ROBO2: variants seen among roughly 807,000 people sequenced by gnomAD.
ROBO2 encodes roundabout homolog 2.
In ROBO2, 53 loss-of-function variants were observed where a neutral mutation model predicts 160.8. The observed-to-expected ratio is 0.33, with a 90% CI of 0.26 to 0.41. The LOEUF is 0.41. Ranked by LOEUF, ROBO2 falls within the 10% of genes least tolerant of loss-of-function variation. The pLI is 1.00. For missense variants in ROBO2, 1,577 were observed against 1,722.4 expected (o/e 0.92, Z 1.49); for synonymous variants, 664 against 611.7 (o/e 1.09, Z -1.26).
At chr3:76,025,713 T>A (rs959498436) in intron 2 of ROBO2, among the ~76,000 whole-genome samples, 2 of 151,758 alleles carry the variant, frequency 1.3e-5, no homozygotes, top group Admixed American at 1.3e-4. Context: ...TGTCAGCATA[T>A]CTCAGAGAAA....
intron 2 of ROBO2, among the ~76,000 whole-genome samples, chr3:77,475,272 G>A (rs1427890691): frequency 1.3e-5 from 2 of 152,144 alleles, no homozygotes; most frequent in Non-Finnish European, 2.9e-5. Flanking sequence ...AATTACAGTT[G>A]ATGTTAGATT....
At chr3:77,410,366 C>CTA (rs1287198376) in intron 2 of ROBO2, among the ~76,000 whole-genome samples, 1 of 152,100 alleles carries the variant, frequency 6.6e-6, no homozygotes, top group East Asian at 1.9e-4. Flanking sequence ...AAATCTATAG[C>CTA]TAATTTTCTT....
chr3:76,459,630 C>T (rs569486853), intron 2 of ROBO2, among the ~76,000 whole-genome samples: 7 of 152,136 alleles, frequency 4.6e-5, no homozygotes, highest in South Asian at 4.1e-4. Context: ...GGTATGAAGT[C>T]GTGAATTGGT....
At chr3:77,306,863 TTAAATG>T (rs1397593612) in intron 2 of ROBO2, among the ~76,000 whole-genome samples, 1 of 152,120 alleles carries the variant, frequency 6.6e-6, no homozygotes, top group Non-Finnish European at 1.5e-5. Flanking sequence ...AAATTGAAAA[TTAAATG>T]TCATGCTAAT....
At position 77,219,597 on chromosome 3, in the gene ROBO2, A is replaced by G. The variant is rs191621897; in HGVS notation, c.388+121257A>G. Among the ~76,000 whole-genome samples the G allele has an allele frequency of 4.4e-4, 65 of 148,714 alleles. No individual in the cohort carries two copies. The East Asian group carries it at 7.9e-3, about 18-fold the overall frequency. ...TTTGACTGAGACACTAAAGATTTGA[A>G]TTGTTGTTCTGCATTTTACTATTGA... On this transcript the variant is annotated intron_variant, in intron 2 of 25. Transcript: ENST00000461745.
intron 1 of ROBO2, among the ~76,000 whole-genome samples, chr3:77,077,281 A>G (rs2068112595): frequency 6.6e-6 from 1 of 152,214 alleles, no homozygotes; most frequent in South Asian, 2.1e-4. Context: ...TAAAAGTTCA[A>G]TGAATTATAG....
At chr3:76,637,345 A>C (rs894489760) in intron 2 of ROBO2, among the ~76,000 whole-genome samples, 1 of 151,640 alleles carries the variant, frequency 6.6e-6, no homozygotes, top group Non-Finnish European at 1.5e-5. Context: ...AGGTACTTAC[A>C]TTTTCTGAGA....
chr3:76,331,914 C>T (rs911822029), intron 2 of ROBO2, among the ~76,000 whole-genome samples: 3 of 151,940 alleles, frequency 2.0e-5, no homozygotes, highest in African/African-American at 7.3e-5. Flanking sequence ...GAACTCCTGA[C>T]CTCAGGTGAT....
intron 2 of ROBO2, among the ~76,000 whole-genome samples, chr3:76,771,093 T>C (rs1221576765): frequency 6.6e-6 from 1 of 151,350 alleles, no homozygotes; most frequent in Non-Finnish European, 1.5e-5. Context: ...ACAGGGTTTG[T>C]GACAGTTGCT....
chr3:76,760,656 G>T lies in ROBO2; in HGVS notation c.110-337358G>T, dbSNP rs531370624. Among the ~76,000 whole-genome samples the T allele has an allele frequency of 2.0e-5, 3 of 151,448 alleles. No individual in the cohort carries two copies. The South Asian group carries it at 6.2e-4, about 31-fold the overall frequency. On this transcript the variant is annotated intron_variant, in intron 2 of 26. Transcript: ENST00000487694. ...CACACACACATTTTATATTTTCTAC[G>T]CATACGTTGCAGGGGCTGGGGGAAA...
At chr3:77,307,726 T>C (rs1396660357) in intron 2 of ROBO2, among the ~76,000 whole-genome samples, 1 of 151,754 alleles carries the variant, frequency 6.6e-6, no homozygotes, top group Non-Finnish European at 1.5e-5. Context: ...CTACTGAAAA[T>C]AGAAAAATTA....
chr3:76,281,851 A>G (rs1205408408), intron 2 of ROBO2, among the ~76,000 whole-genome samples: 1 of 151,982 alleles, frequency 6.6e-6, no homozygotes, highest in Non-Finnish European at 1.5e-5. Flanking sequence ...TTGTTAGCAC[A>G]AGGAATTGTT....
intron 2 of ROBO2, among the ~76,000 whole-genome samples, chr3:76,297,290 A>G (rs965726934): frequency 6.6e-6 from 1 of 152,212 alleles, no homozygotes; most frequent in East Asian, 1.9e-4. Context: ...ATCAGTCTAA[A>G]GAAGAGTTAA....
intron 2 of ROBO2, among the ~76,000 whole-genome samples, chr3:76,003,161 T>G (rs143532821): frequency 6.6e-6 from 1 of 152,306 alleles, no homozygotes; most frequent in East Asian, 1.9e-4. Context: ...CTTTCTTTTC[T>G]GTTGACTGCT....
intron 2 of ROBO2, among the ~76,000 whole-genome samples, chr3:76,047,963 T>C (rs1037046201): frequency 6.6e-6 from 1 of 152,346 alleles, no homozygotes; most frequent in East Asian, 1.9e-4. Flanking sequence ...TTATACCTGT[T>C]TGTTATTAGA....
chr3:75,933,195 A>G (rs1215736407), intron 1 of ROBO2, among the ~76,000 whole-genome samples: 3 of 152,218 alleles, frequency 2.0e-5, no homozygotes, highest in African/African-American at 7.2e-5. Flanking sequence ...TTTCCATTGA[A>G]AAAAATCAAT....
At chr3:77,306,669 A>G (rs925723444) in intron 2 of ROBO2, among the ~76,000 whole-genome samples, 1 of 152,184 alleles carries the variant, frequency 6.6e-6, no homozygotes, top group African/African-American at 2.4e-5. Context: ...ACCACATAGC[A>G]TAAGTTTCTA....
At chr3:77,396,517 T>C (rs2075297418) in intron 2 of ROBO2, among the ~76,000 whole-genome samples, 1 of 152,136 alleles carries the variant, frequency 6.6e-6, no homozygotes, top group Non-Finnish European at 1.5e-5. Context: ...CTGAGGACAA[T>C]TATGCAGAAT....
At chr3:77,569,264 C>T (rs928623054) in intron 13 of ROBO2, among the ~76,000 whole-genome samples, 5 of 152,016 alleles carry the variant, frequency 3.3e-5, no homozygotes, top group Non-Finnish European at 1.5e-5. Context: ...TTTCTATTCT[C>T]ACTAGCAATG....
Sources: allele counts gnomAD v4.1 joint callset (sites outside exome capture counted in the v4.1 genomes callset), GRCh38; gene constraint gnomAD v4.1.1; transcripts MANE v1.5; gene names NCBI Gene and HGNC (gene_info 2026-07-23, HGNC 2026-07-21).